Variants in DPP4 observed in about 807,000 individuals in gnomAD.
The protein encoded by DPP4 is dipeptidyl peptidase 4, also known as ADCP-2.
In DPP4, 93 loss-of-function variants were observed where a neutral mutation model predicts 122.4. The ratio of observed to expected loss-of-function variants is 0.76; its 90% CI spans 0.64 to 0.90. The LOEUF (loss-of-function observed/expected upper bound fraction) is 0.90, where lower values mean the gene tolerates loss of function less well. DPP4 is among the 40% of genes least tolerant of loss of function. The pLI is 0.00. For synonymous variants in DPP4, 321 were observed against 302.9 expected, an observed-to-expected ratio of 1.06 and a Z score of -0.62; for missense variants, 914 against 907.3, an observed-to-expected ratio of 1.01 and a Z score of -0.09.
intron 2 of DPP4, among the ~76,000 whole-genome samples, chr2:162,072,981 C>T (rs548893191): frequency 2.2e-4 from 33 of 152,058 alleles, no homozygotes; most frequent in Non-Finnish European, 4.4e-4. Context: ...CTCATTTTTC[C>T]TTTCCATTTC....
At position 162,046,934 on chromosome 2, in the gene DPP4, A is replaced by C. The variant is rs1242277061; in HGVS notation, c.266T>G (p.Phe89Cys). The change falls in exon 4 of 26, where the codon TTC (phenylalanine) becomes TGC (cysteine). Residue 89 changes from phenylalanine to cysteine, a missense_variant. Coordinates refer to ENST00000360534, the MANE Select transcript of DPP4 (RefSeq NM_001935.4). ...FNAEYGNSSV[F>C]LENSTFDEFG... ...ACATACAAATGTACTGTTCTCCAAG[A>C]AAACTGAGCTGTTTCCATATTCAGC... The C allele has an allele frequency of 6.3e-6, 10 of 1,590,686 alleles. No individual in the cohort carries two copies. The highest frequency in any genetic ancestry group is 8.6e-6 in the Non-Finnish European group (10 of 1,158,976).
intron 18 of DPP4, among the ~76,000 whole-genome samples, chr2:162,015,557 T>G (rs1282424111): frequency 1.3e-5 from 2 of 152,302 alleles, no homozygotes; most frequent in East Asian, 3.9e-4. Context: ...CCCACTTTTT[T>G]GGAGATGTAT....
intron 2 of DPP4, among the ~76,000 whole-genome samples, chr2:162,050,908 T>G (rs1684360409): frequency 6.6e-6 from 1 of 152,240 alleles, no homozygotes; most frequent in African/African-American, 2.4e-5. Context: ...CGGCAGCAGA[T>G]GAAGGTCTTT....
chr2:162,016,969 A>T (rs1682948372), intron 17 of DPP4, 103 bp from the exon 18 acceptor site: 1 of 1,405,222 alleles, frequency 7.1e-7, no homozygotes, highest in Non-Finnish European at 9.8e-7. Context: ...CGGACTACAC[A>T]TACTTCAGGT....
At position 162,039,145 on chromosome 2, in the gene DPP4, C is replaced by G. The variant is rs777541402; in HGVS notation, c.406G>C (p.Asp136His). The change falls in exon 6 of 26, where the codon GAT becomes CAT. Residue 136 changes from aspartate (D) to histidine (H), a missense_variant. Physicochemically the swap from Asp to His is moderately conservative, Grantham distance 81. Transcript: ENST00000360534. ...HSYTASYDIY[D>H]LNKRQLITEE... is the part of the protein sequence containing the mutation. ...GAAGTCACTGACCTTTTATTTAAATCATAAATGTCATATGAAGCTGTGTAG... is the reference window on the plus strand; with the variant it reads ...GAAGTCACTGACCTTTTATTTAAATGATAAATGTCATATGAAGCTGTGTAG... 7 of 1,612,894 alleles carry G rather than the reference C, an allele frequency of 4.3e-6. No individual in the cohort carries two copies. The South Asian group carries it at 7.7e-5, about 18-fold the overall frequency.
chr2:161,995,299 C>A lies in DPP4; in HGVS notation c.2125+1G>T, dbSNP rs767183262. On this transcript the variant is annotated splice_donor_variant, in intron 24 of 25. Transcript: ENST00000360534. LOFTEE classifies it high-confidence loss of function. Reference sequence around the variant, plus strand: ...AAAAAGTCTAATTAACTGAAACTCACCATCTGCTGTTCCATGAATAAGGAG... The same window carrying A: ...AAAAAGTCTAATTAACTGAAACTCAACATCTGCTGTTCCATGAATAAGGAG... 1 of 1,613,560 alleles carries A rather than the reference C, an allele frequency of 6.2e-7. No homozygotes were observed. The highest frequency in any genetic ancestry group is 8.5e-7 in the Non-Finnish European group (1 of 1,179,526).
chr2:162,048,209 T>A (rs781004727), intron 2 of DPP4, among the ~76,000 whole-genome samples: 109 of 152,288 alleles, frequency 7.2e-4, no homozygotes, highest in Non-Finnish European at 2.8e-4. Flanking sequence ...AATTTGTGTG[T>A]TTCTATATTC....
intron 11 of DPP4, 128 bp downstream of exon 11, chr2:162,024,676 T>C: frequency 1.6e-6 from 2 of 1,276,178 alleles, no homozygotes; most frequent in Non-Finnish European, 2.2e-6. Context: ...TGCCTCAGGA[T>C]CAGACAGAGT....
intron 5 of DPP4, among the ~76,000 whole-genome samples, chr2:162,042,929 G>A (rs1017780935): frequency 3.3e-5 from 5 of 152,142 alleles, no homozygotes; most frequent in Non-Finnish European, 7.4e-5. Context: ...GCATGGCAGG[G>A]GACAATGTTT....
chr2:162,000,953 C>T (rs566134514), intron 23 of DPP4, among the ~76,000 whole-genome samples: 16 of 152,136 alleles, frequency 1.1e-4, no homozygotes, highest in Non-Finnish European at 2.1e-4. Flanking sequence ...TCCCTCAGTT[C>T]ATCGGACCTG....
At chr2:162,030,613 G>T (rs1205380479) in intron 10 of DPP4, among the ~76,000 whole-genome samples, 1 of 152,116 alleles carries the variant, frequency 6.6e-6, no homozygotes, top group East Asian at 1.9e-4. Flanking sequence ...CTGGATCTTT[G>T]CATGAGGCCA....
At chr2:162,009,422 C>A in intron 20 of DPP4, 127 bp from the exon 21 acceptor site, 1 of 752,446 alleles carries the variant, frequency 1.3e-6, no homozygotes, top group South Asian at 1.6e-5. Context: ...AAATTGCTGC[C>A]AGTAATCAAA....
Position 162,073,272 on chromosome 2 carries a change from C to T in DPP4, c.94+127G>A. On this transcript the variant is annotated intron_variant, in intron 2 of 25. Transcript: ENST00000360534. ...ACAAGCAGCAACAACAACTGGGAAG[C>T]CTTCTCAGCTACACTTCGGGGCACT... 3.5e-6 allele frequency: 3 copies of T among 856,544 alleles called. No homozygotes were observed. The East Asian group carries it at 7.7e-5, about 22-fold the overall frequency. 53.1% of individuals were successfully genotyped at this position (856,544 alleles called of 1,614,324 possible). A position where few individuals can be genotyped will look rare whatever the true frequency, so the allele number is the denominator to read the frequency against.
At chr2:162,047,558 TG>T in intron 2 of DPP4, 57 bp from the exon 3 acceptor site, 1 of 1,253,370 alleles carries the variant, frequency 8.0e-7, no homozygotes, top group Non-Finnish European at 1.1e-6. Flanking sequence ...ACCTAAGTTT[TG>T]GATAAAATAA....
intron 2 of DPP4, among the ~76,000 whole-genome samples, chr2:162,049,941 A>G (rs974931908): frequency 6.6e-6 from 1 of 152,218 alleles, no homozygotes; most frequent in Non-Finnish European, 1.5e-5. Flanking sequence ...TAAAAAAACT[A>G]AAGTATTTTT....
chr2:162,001,947 T>A (rs550486814), intron 23 of DPP4, among the ~76,000 whole-genome samples: 1 of 152,252 alleles, frequency 6.6e-6, no homozygotes, highest in Admixed American at 6.5e-5. Context: ...ATCTTTGAGG[T>A]CTGGATATCC....
chr2:162,030,634 TATC>T (rs995607620), intron 10 of DPP4, among the ~76,000 whole-genome samples: 1 of 152,144 alleles, frequency 6.6e-6, no homozygotes, highest in Non-Finnish European at 1.5e-5. Context: ...GAAAACGGTG[TATC>T]ATCATGTACT....
intron 7 of DPP4, 73 bp from the exon 8 acceptor site, chr2:162,038,495 T>G: frequency 1.4e-6 from 2 of 1,448,848 alleles, no homozygotes; most frequent in Admixed American, 4.5e-5. Context: ...GTAGAAACAC[T>G]TATCTATTGC....
At chr2:162,035,817 A>G (rs1217906059) in intron 8 of DPP4, among the ~76,000 whole-genome samples, 2 of 152,124 alleles carry the variant, frequency 1.3e-5, no homozygotes, top group Non-Finnish European at 2.9e-5. Flanking sequence ...TGGCACAAAC[A>G]AGGTGTGGGA....
Sources: gnomAD v4.1 joint callset for allele counts (sites outside exome capture counted in the v4.1 genomes callset) on GRCh38, gnomAD v4.1.1 for gene constraint, MANE v1.5 for transcripts, NCBI Gene and HGNC (gene_info 2026-07-23, HGNC 2026-07-21) for gene names.